The following DRD3 variants were observed in gnomAD, a reference collection of about 807,000 sequenced individuals.
DRD3 encodes D(3) dopamine receptor.
In DRD3, 19 loss-of-function variants were observed where a neutral mutation model predicts 36.3. The ratio of observed to expected loss-of-function variants is 0.52; its 90% CI spans 0.36 to 0.77. The LOEUF is 0.77. DRD3 is among the 30% of genes least tolerant of loss of function. DRD3 has a pLI of 0.00. For synonymous variants in DRD3, 195 were observed against 203.7 expected (o/e 0.96, Z 0.36); for missense variants, 465 against 505.3 (o/e 0.92, Z 0.77).
chr3:114,185,366 G>T (rs1172120973), intron 1 of DRD3, among the ~76,000 whole-genome samples: 1 of 151,698 alleles, frequency 6.6e-6, no homozygotes, highest in Non-Finnish European at 1.5e-5. Flanking sequence ...TTTCTTTCTT[G>T]CCTGCTTAAA....
intron 1 of DRD3, among the ~76,000 whole-genome samples, chr3:114,177,668 C>T (rs549289362): frequency 3.9e-5 from 6 of 152,274 alleles, no homozygotes; most frequent in South Asian, 2.1e-4. Context: ...ATATTAGGCA[C>T]CCATTTGGAT....
chr3:114,184,422 T>A (rs1229595659), intron 1 of DRD3, among the ~76,000 whole-genome samples: 1 of 152,178 alleles, frequency 6.6e-6, no homozygotes, highest in East Asian at 1.9e-4. Context: ...TTTAGACTAA[T>A]GATTGTTTTC....
chr3:114,151,262 C>CT (rs2077614713), intron 3 of DRD3, among the ~76,000 whole-genome samples: 1 of 152,144 alleles, frequency 6.6e-6, no homozygotes, highest in African/African-American at 2.4e-5. Flanking sequence ...GGGGCTGAGC[C>CT]TTGAGTCCTG....
intron 1 of DRD3, among the ~76,000 whole-genome samples, chr3:114,188,008 T>C (rs17668524): frequency 0.037 from 5,549 of 151,986 alleles, 131 homozygotes; most frequent in Admixed American, 0.066. Context: ...GAGAAGCAAA[T>C]ACCTGAGCAT....
upstream of DRD3, among the ~76,000 whole-genome samples, chr3:114,179,789 T>C (rs1266342167): frequency 6.6e-6 from 1 of 152,186 alleles, no homozygotes; most frequent in East Asian, 1.9e-4. Flanking sequence ...AGCTAGCTCT[T>C]GTTTGACTAT....
intron 3 of DRD3, among the ~76,000 whole-genome samples, chr3:114,158,918 T>C (rs537132489): frequency 1.3e-5 from 2 of 152,146 alleles, no homozygotes; most frequent in African/African-American, 4.8e-5. Flanking sequence ...GCAAGGGCCA[T>C]AGGCTTGAAA....
At chr3:114,159,136 A>G (rs188073886) in intron 3 of DRD3, among the ~76,000 whole-genome samples, 83 of 152,304 alleles carry the variant, frequency 5.4e-4, no homozygotes, top group African/African-American at 1.8e-3. Context: ...GAACACACAG[A>G]GAGAGGAGTC....
intron 5 of DRD3, among the ~76,000 whole-genome samples, chr3:114,137,017 A>C (rs1254380037): frequency 6.6e-6 from 1 of 152,240 alleles, no homozygotes; most frequent in Non-Finnish European, 1.5e-5. Flanking sequence ...CATTGGCTCC[A>C]GTCACTAAGG....
chr3:114,139,549 G>A lies in DRD3; in HGVS notation c.674C>T (p.Thr225Ile). ...ACTGTTGCACTGACTGTTCTGTCGA[G>A]TGAGGATCCTTTTCCGTCTCCTTTG... is the stretch of plus-strand genomic sequence containing the variant. The part of the protein sequence containing the change: ...LKQRRRKRIL[T>I]RQNSQCNSVR... Residue 225 changes from threonine (T) to isoleucine (I), a missense_variant, in exon 5 of 7, where the codon ACT becomes ATT. Transcript: ENST00000383673. 2.5e-6 allele frequency: 4 copies of A among 1,614,122 alleles called. No homozygotes were observed. Among genetic ancestry groups the A allele is most frequent in the Non-Finnish European group, 2.5e-6 (3 of 1,180,014 alleles).
chr3:114,156,721 C>CTT (rs2077671664), intron 3 of DRD3, among the ~76,000 whole-genome samples: 3 of 38,478 alleles, frequency 7.8e-5, no homozygotes, highest in African/African-American at 2.8e-4. Context: ...GCCTGTCTTT[C>CTT]TTTCTTTCTT....
chr3:114,143,751 A>T (rs2077547426), intron 4 of DRD3, among the ~76,000 whole-genome samples: 1 of 152,188 alleles, frequency 6.6e-6, no homozygotes, highest in African/African-American at 2.4e-5. Context: ...AATCAAATAA[A>T]TAGCACTCCT....
chr3:114,136,849 G>GAAGT (rs2077479117), intron 5 of DRD3, among the ~76,000 whole-genome samples: 2 of 152,220 alleles, frequency 1.3e-5, no homozygotes, highest in African/African-American at 4.8e-5. Context: ...TGGTGACCAT[G>GAAGT]AAGTTGTCTT....
intron 1 of DRD3, among the ~76,000 whole-genome samples, chr3:114,192,136 A>G (rs2078013765): frequency 6.6e-6 from 1 of 152,192 alleles, no homozygotes; most frequent in East Asian, 1.9e-4. Flanking sequence ...ATCCTCTGTG[A>G]TTGGTTAGAG....
chr3:114,131,428 A>T (rs1160201567), intron 5 of DRD3, 28 bp from the exon 6 acceptor site: 1 of 1,596,956 alleles, frequency 6.3e-7, no homozygotes, highest in Non-Finnish European at 8.5e-7. Flanking sequence ...GGGAATCTTG[A>T]CATTTCTGGG....
chr3:114,134,905 A>T (rs1397836985), intron 5 of DRD3, among the ~76,000 whole-genome samples: 1 of 152,198 alleles, frequency 6.6e-6, no homozygotes, highest in Non-Finnish European at 1.5e-5. Flanking sequence ...CACTTCAAAC[A>T]ATTATCATTT....
At chr3:114,154,676 G>T (rs1487894662) in intron 3 of DRD3, among the ~76,000 whole-genome samples, 7 of 152,164 alleles carry the variant, frequency 4.6e-5, no homozygotes, top group Admixed American at 4.6e-4. Flanking sequence ...TATTGTGCTC[G>T]CTGCAAAGAC....
At chr3:114,163,314 T>C (rs1160922043) in intron 2 of DRD3, among the ~76,000 whole-genome samples, 2 of 152,060 alleles carry the variant, frequency 1.3e-5, no homozygotes, top group Admixed American at 1.3e-4. Context: ...CAACAAATAG[T>C]AAGGGATCAA....
chr3:114,166,778 C>T (rs1268684770), intron 2 of DRD3, among the ~76,000 whole-genome samples: 2 of 152,182 alleles, frequency 1.3e-5, no homozygotes, highest in Non-Finnish European at 2.9e-5. Context: ...GACTCATCCT[C>T]AGAGAAACCA....
chr3:114,128,588 G>T lies in DRD3; in HGVS notation c.*128C>A. 1 of 929,948 alleles carries T rather than the reference G, an allele frequency of 1.1e-6. No individual in the cohort carries two copies. The highest frequency in any genetic ancestry group is 1.7e-5 in the African/African-American group (1 of 60,476). 57.6% of individuals were successfully genotyped at this position (929,948 alleles called of 1,614,324 possible). A position where few individuals can be genotyped will look rare whatever the true frequency, so the allele number is the denominator to read the frequency against. ...GGACACATCTGGTTATACCTGACAA[G>T]CAGGGACATCCTGGCTCCAGGAATC... On this transcript the variant is annotated 3_prime_UTR_variant, in exon 7 of 7. Transcript: ENST00000383673.
Sources: gnomAD v4.1 joint callset for allele counts (sites outside exome capture counted in the v4.1 genomes callset) on GRCh38, gnomAD v4.1.1 for gene constraint, MANE v1.5 for transcripts, NCBI Gene and HGNC (gene_info 2026-07-23, HGNC 2026-07-21) for gene names.